CACNA1I: variants seen among roughly 807,000 people sequenced by gnomAD.
CACNA1I encodes calcium voltage-gated channel subunit alpha1 I, also known as voltage-dependent T-type calcium channel subunit alpha-1I.
In CACNA1I, 74 loss-of-function variants were observed where a neutral mutation model predicts 201.6. That is an observed-to-expected ratio of 0.37 (90% CI 0.30 to 0.45). The LOEUF (loss-of-function observed/expected upper bound fraction) is 0.45. Among genes scored for constraint, CACNA1I ranks in the 20% least tolerant of loss-of-function variants. The pLI is 1.00. For missense variants in CACNA1I, 2,346 were observed against 3,138.1 expected (o/e 0.75, Z 6.03); for synonymous variants, 1,431 against 1,345.2 (o/e 1.06, Z -1.40).
intron 1 of CACNA1I, among the ~76,000 whole-genome samples, chr22:39,573,972 G>T (rs1415333751): frequency 2.0e-5 from 3 of 152,114 alleles, no homozygotes; most frequent in Non-Finnish European, 4.4e-5. Context: ...GGGTTCCCCC[G>T]GCATCCCCAT....
At position 39,649,457 on chromosome 22, in the gene CACNA1I, C is replaced by G. The variant is rs1224089656; in HGVS notation, c.1568-44C>G. ...GGATGTGTCCCAGGGTGGATTGGGC[C>G]TGGTGTGGGCAACGACTCTATGCCC... On this transcript the variant is annotated intron_variant, in intron 9 of 36. Transcript: ENST00000402142. This position sits in a 1 kb window ranked among gnomAD's most constrained non-coding sequence, Gnocchi z 7.3. 1 of 1,509,138 alleles carries G rather than the reference C, an allele frequency of 6.6e-7. No homozygotes were observed. Among genetic ancestry groups the G allele is most frequent in the Middle Eastern group, 1.9e-4 (1 of 5,388 alleles). The allele number at this position is 1,509,138 out of a possible 1,614,324, so 93.5% of individuals were successfully genotyped here. A position where few individuals can be genotyped will look rare whatever the true frequency, so the allele number is the denominator to read the frequency against.
In CACNA1I at chr22:39,649,733, A is replaced by G. The variant is rs550956362; in HGVS notation, c.1800A>G (p.Gly600=). The change falls in exon 10 of 37, where the codon GGA becomes GGG. Residue 600 remains glycine (G), a synonymous_variant. Transcript: ENST00000402142. This position sits in a 1 kb window ranked among gnomAD's most constrained non-coding sequence, Gnocchi z 7.3. ...ACGGGGCCCGGAGCAGCGAGGACGG[A>G]GCCTCCTCAGAACTGGGGAAGGAGG... ...DGDGARSSED[G]ASSELGKEEE... 4.2e-5 allele frequency: 65 copies of G among 1,563,386 alleles called. No individual in the cohort carries two copies. The African/African-American group carries it at 8.4e-4, about 20-fold the overall frequency.
At chr22:39,640,652 G>C (rs946424511) in intron 5 of CACNA1I, among the ~76,000 whole-genome samples, 3 of 152,194 alleles carry the variant, frequency 2.0e-5, no homozygotes, top group Non-Finnish European at 4.4e-5. Context: ...GGCACAGTGA[G>C]GCTCCCCAGA....
chr22:39,643,487 C>T (rs1934399288), intron 7 of CACNA1I: 1 of 153,118 alleles, frequency 6.5e-6, no homozygotes, highest in Non-Finnish European at 1.5e-5. Flanking sequence ...AGCTCATCCA[C>T]CTCGTCATGC....
chr22:39,583,144 C>CCATCCATCCATA (rs1242832893), intron 1 of CACNA1I, among the ~76,000 whole-genome samples: 1 of 151,174 alleles, frequency 6.6e-6, no homozygotes, highest in African/African-American at 2.4e-5. Context: ...CTCCATCCAT[C>CCATCCATCCATA]CATCCAGCCA....
intron 27 of CACNA1I, 39 bp downstream of exon 27, chr22:39,672,347 A>G: frequency 2.8e-5 from 38 of 1,342,336 alleles, no homozygotes; most frequent in Non-Finnish European, 4.1e-5. Flanking sequence ...AATAGGGTAG[A>G]CTGCAGGATG....
In CACNA1I at chr22:39,592,922, G is replaced by A. The variant is rs142915125; in HGVS notation, c.237-5229G>A. Among the ~76,000 whole-genome samples the A allele has an allele frequency of 2.6e-4, 40 of 152,350 alleles. No individual in the cohort carries two copies. The East Asian group carries it at 7.3e-3, about 28-fold the overall frequency. The stretch of plus-strand genomic sequence containing the variant: ...AACTTCAAGGAGGGCTGGTGCTTTT[G>A]ATCCCTGAGCCAGTGGGGAGTGTGT... On this transcript the variant is annotated intron_variant, in intron 1 of 36. Transcript: ENST00000402142.
intron 34 of CACNA1I, among the ~76,000 whole-genome samples, chr22:39,681,710 G>T (rs1935712386): frequency 6.6e-6 from 1 of 151,884 alleles, no homozygotes; most frequent in African/African-American, 2.4e-5. Flanking sequence ...AGGTCAAGGT[G>T]GTCCTGCCCT....
chr22:39,640,597 A>G (rs1934328261), intron 5 of CACNA1I, among the ~76,000 whole-genome samples: 1 of 151,842 alleles, frequency 6.6e-6, no homozygotes, highest in Admixed American at 6.6e-5. Flanking sequence ...CTCCCGAGGG[A>G]GTTGAGGGCA....
rs113785316 is a variant in CACNA1I at position 39,648,496 on chromosome 22, G to A, written c.1567+570G>A. Among the ~76,000 whole-genome samples the A allele has an allele frequency of 0.022, 3,390 of 152,144 alleles. 100 individuals are homozygous for A. The highest frequency in any genetic ancestry group is 0.078 in the African/African-American group (3,245 of 41,504). ...CACGTCCAGGTGGGAGCAGTGAGCC[G>A]GCGCTGGGAAGGGCTTTGGGCCTGT... On this transcript the variant is annotated intron_variant, in intron 9 of 36. Transcript: ENST00000402142. The surrounding 1 kb of genome is among the most constrained non-coding windows in gnomAD (Gnocchi z 5.4).
rs532823690 is a variant in CACNA1I at position 39,676,409 on chromosome 22, G to A, written c.4855-932G>A. Among the ~76,000 whole-genome samples the A allele has an allele frequency of 6.6e-6, 1 of 152,172 alleles. No individual in the cohort carries two copies. The highest frequency in any genetic ancestry group is 2.1e-4 in the South Asian group (1 of 4,828). On this transcript the variant is annotated intron_variant, in intron 29 of 36. Coordinates refer to ENST00000402142, the MANE Select transcript of CACNA1I (RefSeq NM_021096.4). The surrounding 1 kb of genome is among the most constrained non-coding windows in gnomAD (Gnocchi z 4.8). Reference sequence around the variant, plus strand: ...AAACTCGAGGAGTGGTGATTAATGGGGTTTACTTTTCAGCAGTTAACGTGA... The same window carrying A: ...AAACTCGAGGAGTGGTGATTAATGGAGTTTACTTTTCAGCAGTTAACGTGA...
chr22:39,595,699 C>T (rs1932874503), intron 1 of CACNA1I, among the ~76,000 whole-genome samples: 1 of 152,052 alleles, frequency 6.6e-6, no homozygotes, highest in Non-Finnish European at 1.5e-5. Context: ...CTCCCTCTTT[C>T]TCTCTCTCAG....
intron 10 of CACNA1I, among the ~76,000 whole-genome samples, chr22:39,657,129 C>G (rs1007554384): frequency 1.3e-5 from 2 of 152,208 alleles, no homozygotes; most frequent in Non-Finnish European, 2.9e-5. Context: ...CAAACCAAAC[C>G]CGGACCCCTC....
At chr22:39,657,905 CAAATTTGTG>C (rs1262821287) in intron 10 of CACNA1I, among the ~76,000 whole-genome samples, 7 of 152,228 alleles carry the variant, frequency 4.6e-5, no homozygotes, top group Non-Finnish European at 8.8e-5. Flanking sequence ...GCCTCATTTC[CAAATTTGTG>C]GAAGGTCAGC....
intron 1 of CACNA1I, among the ~76,000 whole-genome samples, chr22:39,590,071 G>C (rs944398547): frequency 2.6e-5 from 4 of 152,238 alleles, no homozygotes; most frequent in South Asian, 4.1e-4. Context: ...CAGGCCTCTG[G>C]CTCGGCTCCT....
intron 1 of CACNA1I, among the ~76,000 whole-genome samples, chr22:39,586,968 A>G (rs370120399): frequency 1.3e-5 from 2 of 152,152 alleles, no homozygotes; most frequent in Non-Finnish European, 2.9e-5. Flanking sequence ...ATCAGCCCAC[A>G]GACAGTGGGA....
In CACNA1I at chr22:39,646,496, ACT is replaced by A. The variant is rs141403778; in HGVS notation, c.1150-70_1150-69del. 971 of 1,475,872 alleles carry A rather than the reference ACT, an allele frequency of 6.6e-4. 5 individuals are homozygous for A. In the African/African-American group the frequency reaches 0.012, roughly 19 times the overall value. The allele number at this position is 1,475,872 out of a possible 1,614,324, so 91.4% of individuals were successfully genotyped here. On this transcript the variant is annotated intron_variant, in intron 7 of 36. Transcript: ENST00000402142. ...GTCTCCCTGCTGTCCCCACTCCATG[ACT>A]CTGCCTCTCTCACCCTTCTGTCCCC...
chr22:39,619,455 G>C (rs1933661548), intron 4 of CACNA1I, 48 bp downstream of exon 4: 1 of 1,444,784 alleles, frequency 6.9e-7, no homozygotes, highest in African/African-American at 1.4e-5. Context: ...ATCCATCCCT[G>C]GCCAACCCAT....
At chr22:39,622,321 G>A (rs1033388696) in intron 4 of CACNA1I, among the ~76,000 whole-genome samples, 4 of 151,624 alleles carry the variant, frequency 2.6e-5, no homozygotes, top group African/African-American at 4.8e-5. Context: ...GGAGGCCTCC[G>A]GGAGAAGGGG....
Sources: allele counts gnomAD v4.1 joint callset (sites outside exome capture counted in the v4.1 genomes callset), GRCh38; gene constraint gnomAD v4.1.1; non-coding constraint Gnocchi (gnomAD v3.1); transcripts MANE v1.5; gene names NCBI Gene and HGNC (gene_info 2026-07-23, HGNC 2026-07-21).